The following RSPO2 variants were observed in gnomAD, a reference collection of about 807,000 sequenced individuals.
RSPO2 encodes R-spondin-2.
Under a neutral mutation model 30.9 loss-of-function variants are expected in RSPO2, and 14 were observed. The ratio of observed to expected loss-of-function variants is 0.45; its 90% confidence interval spans 0.30 to 0.71. The LOEUF is 0.71. Ranked by LOEUF, RSPO2 falls within the 30% of genes least tolerant of loss-of-function variation. The pLI, the probability that RSPO2 is intolerant of heterozygous loss-of-function variation, is 0.08. For synonymous variants in RSPO2, 107 were observed against 96.4 expected (o/e 1.11, Z -0.64); for missense variants, 264 against 301.9 (o/e 0.87, Z 0.93).
rs1185255631 is a variant in RSPO2 at position 108,066,169 on chromosome 8, C to T, written c.94+16376G>A. Among the ~76,000 whole-genome samples the T allele has an allele frequency of 5.3e-5, 8 of 152,326 alleles. No individual in the cohort carries two copies. The South Asian group carries it at 1.4e-3, about 28-fold the overall frequency. On this transcript the variant is annotated intron_variant, in intron 2 of 5. Transcript: ENST00000276659. The stretch of plus-strand genomic sequence containing the variant: ...AAGACAAGCTTTGAGAAAACTTAAT[C>T]CTTCTCAGGTGACATTACTTGTATT...
At chr8:108,072,426 C>A (rs1280126102) in intron 2 of RSPO2, among the ~76,000 whole-genome samples, 4 of 145,862 alleles carry the variant, frequency 2.7e-5, no homozygotes, top group Admixed American at 2.1e-4. Context: ...CCCGGGTTCA[C>A]GCCATTCTCC....
intron 2 of RSPO2, among the ~76,000 whole-genome samples, chr8:108,050,489 A>AT (rs1011974994): frequency 3.9e-5 from 6 of 152,128 alleles, no homozygotes; most frequent in African/African-American, 1.4e-4. Context: ...AAATATATTA[A>AT]TTTTTTTATT....
chr8:108,045,241 A>G (rs1305328830), intron 2 of RSPO2, among the ~76,000 whole-genome samples: 1 of 152,164 alleles, frequency 6.6e-6, no homozygotes, highest in African/African-American at 2.4e-5. Context: ...GAAAAAACAA[A>G]TAACTCCATT....
intron 2 of RSPO2, among the ~76,000 whole-genome samples, chr8:108,073,450 C>T (rs1218332746): frequency 1.3e-5 from 2 of 152,114 alleles, no homozygotes; most frequent in Admixed American, 1.3e-4. Context: ...AATGTGCTGA[C>T]ACAGAAACAA....
intron 2 of RSPO2, among the ~76,000 whole-genome samples, chr8:108,079,283 ATTAAT>A (rs1481336978): frequency 1.3e-5 from 2 of 152,152 alleles, no homozygotes; most frequent in Non-Finnish European, 2.9e-5. Context: ...TTTGTGCCTA[ATTAAT>A]TTTTTAAAAT....
chr8:107,997,646 AC>A (rs1815077252), intron 2 of RSPO2, among the ~76,000 whole-genome samples: 1 of 152,226 alleles, frequency 6.6e-6, no homozygotes, highest in Non-Finnish European at 1.5e-5. Context: ...TGAGACTGAA[AC>A]AAGGTAACAC....
chr8:108,057,262 T>C (rs1281930966), intron 2 of RSPO2, among the ~76,000 whole-genome samples: 2 of 151,988 alleles, frequency 1.3e-5, no homozygotes, highest in Non-Finnish European at 2.9e-5. Context: ...TATATACTTA[T>C]GACACAGGCA....
chr8:108,011,193 G>C (rs921874401), intron 2 of RSPO2, among the ~76,000 whole-genome samples: 2 of 148,576 alleles, frequency 1.3e-5, no homozygotes, highest in Non-Finnish European at 3.0e-5. Context: ...AAAAGGAAAG[G>C]GAAAAGGAAA....
intron 5 of RSPO2, among the ~76,000 whole-genome samples, chr8:107,905,087 T>C (rs554666828): frequency 3.3e-5 from 5 of 152,220 alleles, no homozygotes; most frequent in Middle Eastern, 6.8e-3. Context: ...CATGAAGCGG[T>C]GCAAATGCCA....
At chr8:107,999,268 C>G (rs1815143365) in intron 2 of RSPO2, among the ~76,000 whole-genome samples, 1 of 151,900 alleles carries the variant, frequency 6.6e-6, no homozygotes, top group Admixed American at 6.6e-5. Flanking sequence ...AGGAGTATTT[C>G]CTTGGGAAAA....
chr8:108,019,006 A>G (rs550167729), intron 2 of RSPO2, among the ~76,000 whole-genome samples: 2 of 152,230 alleles, frequency 1.3e-5, no homozygotes, highest in African/African-American at 4.8e-5. Context: ...AATAAATACT[A>G]AAAAGATGTA....
rs372073177 is a variant in RSPO2 at position 108,082,529 on chromosome 8, G to T, written c.94+16C>A. The T allele has an allele frequency of 1.7e-5, 28 of 1,605,642 alleles. No individual in the cohort carries two copies. Among genetic ancestry groups the T allele is most frequent in the Non-Finnish European group, 2.4e-5 (28 of 1,172,452 alleles). ...CCCTGAAGCCCACCACGCACCTTTG[G>T]CAGAGAGGGACCCACCTCGCTTACT... On this transcript the variant is annotated intron_variant, in intron 2 of 5. Coordinates refer to ENST00000276659, the MANE Select transcript of RSPO2 (RefSeq NM_178565.5).
At chr8:107,951,195 A>C (rs1813235344) in intron 5 of RSPO2, among the ~76,000 whole-genome samples, 1 of 152,032 alleles carries the variant, frequency 6.6e-6, no homozygotes, top group South Asian at 2.1e-4. Context: ...AGCTGGGATC[A>C]CAGGCATGTA....
chr8:107,980,758 AGGAT>A (rs1403056576), intron 3 of RSPO2, among the ~76,000 whole-genome samples: 2 of 152,166 alleles, frequency 1.3e-5, no homozygotes, highest in Admixed American at 6.5e-5. Context: ...AAGGAAGGGA[AGGAT>A]ACACCTGAGC....
chr8:108,065,379 T>G (rs1563587943), intron 2 of RSPO2, among the ~76,000 whole-genome samples: 1 of 151,476 alleles, frequency 6.6e-6, no homozygotes, highest in Non-Finnish European at 1.5e-5. Flanking sequence ...CCAGCAAGAG[T>G]TTTACGAGCC....
chr8:108,016,656 C>T (rs1235349537), intron 2 of RSPO2, among the ~76,000 whole-genome samples: 4 of 152,180 alleles, frequency 2.6e-5, no homozygotes, highest in Admixed American at 6.5e-5. Context: ...AAGGTTGATA[C>T]GGTTTGGATG....
chr8:107,920,670 C>A (rs1300157886), intron 5 of RSPO2, among the ~76,000 whole-genome samples: 3 of 152,042 alleles, frequency 2.0e-5, no homozygotes, highest in African/African-American at 7.2e-5. Flanking sequence ...GAGTGTTTCC[C>A]AGTGCCAGAA....
intron 5 of RSPO2, among the ~76,000 whole-genome samples, chr8:107,907,979 A>G (rs1811707052): frequency 6.6e-6 from 1 of 152,120 alleles, no homozygotes; most frequent in South Asian, 2.1e-4. Context: ...CATGTTCAAA[A>G]TGATGGAAAT....
intron 5 of RSPO2, 53 bp downstream of exon 5, chr8:107,958,027 C>T (rs1424101352): frequency 2.1e-5 from 25 of 1,182,382 alleles, no homozygotes; most frequent in Admixed American, 1.6e-4. Flanking sequence ...GGTTAGGAAG[C>T]GGGAGAATTC....
Sources: allele counts gnomAD v4.1 joint callset (sites outside exome capture counted in the v4.1 genomes callset), GRCh38; gene constraint gnomAD v4.1.1; transcripts MANE v1.5; gene names NCBI Gene and HGNC (gene_info 2026-07-23, HGNC 2026-07-21).